The following PLA2G2A variants were observed in gnomAD, a reference collection of about 807,000 sequenced individuals.
PLA2G2A encodes phospholipase A2 group IIA, also known as phospholipase A2, membrane associated.
In PLA2G2A, 6 loss-of-function variants were observed where a neutral mutation model predicts 11.2. The observed-to-expected ratio is 0.54, with a 90% CI of 0.29 to 1.06. The LOEUF (loss-of-function observed/expected upper bound fraction) is 1.06. PLA2G2A is among the 50% of genes least tolerant of loss of function. The probability of loss-of-function intolerance (pLI) is 0.08; values close to 1 mark genes in which losing one functional copy is unlikely to be tolerated. For synonymous variants in PLA2G2A, 69 were observed against 65.8 expected, an observed-to-expected ratio of 1.05 and a Z score of -0.23; for missense variants, 133 against 177.1, an observed-to-expected ratio of 0.75 and a Z score of 1.41.
rs1162467488 is a variant in PLA2G2A at position 19,978,190 on chromosome 1, C to T, written c.186-69G>A. The T allele has an allele frequency of 2.9e-6, 4 of 1,362,964 alleles. No homozygotes were observed. In the African/African-American group the frequency reaches 5.7e-5, roughly 19 times the overall value. 84.4% of individuals were successfully genotyped at this position (1,362,964 alleles called of 1,614,324 possible). On this transcript the variant is annotated intron_variant, in intron 3 of 4. Coordinates refer to ENST00000482011, the Ensembl canonical transcript of PLA2G2A. ...GGAGGCCTGGTGCCTGTGGTCTCAC[C>T]CCCTTGGACCCTGGGCAGAGACCCA...
chr1:19,978,293 G>T (rs887790602), intron 3 of PLA2G2A, 87 bp downstream of exon 3: 16 of 1,504,708 alleles, frequency 1.1e-5, no homozygotes, highest in Non-Finnish European at 1.4e-5. Flanking sequence ...AGACCTCTGC[G>T]CCCATCAGGA....
chr1:19,979,898 G>T (rs141213403), upstream of PLA2G2A, among the ~76,000 whole-genome samples: 1 of 152,266 alleles, frequency 6.6e-6, no homozygotes, highest in South Asian at 2.1e-4. Flanking sequence ...TGTGATCAAC[G>T]GTCAGCCACC....
chr1:19,977,280 T>C (rs1471649807), intron 4 of PLA2G2A, among the ~76,000 whole-genome samples: 1 of 152,160 alleles, frequency 6.6e-6, no homozygotes, highest in Non-Finnish European at 1.5e-5. Context: ...TGCAGCCACA[T>C]ATCCATCCAA....
chr1:19,980,114 C>A (rs1188581141), upstream of PLA2G2A, among the ~76,000 whole-genome samples: 1 of 152,166 alleles, frequency 6.6e-6, no homozygotes, highest in African/African-American at 2.4e-5. Context: ...ATGTCCTGGG[C>A]CTCTACCATG....
intron 3 of PLA2G2A, 71 bp from the exon 4 acceptor site, chr1:19,978,192 C>A: frequency 1.5e-6 from 2 of 1,369,292 alleles, no homozygotes; most frequent in South Asian, 2.3e-5. Flanking sequence ...GGTCTCACCC[C>A]CTTGGACCCT....
At chr1:19,978,853 T>A in exon 2 of PLA2G2A, 1 of 1,338,108 alleles carries the variant, frequency 7.5e-7, no homozygotes, top group Non-Finnish European at 1.1e-6. Context: ...GCCCCGGCCG[T>A]CGCTCCCCTG....
intron 1 of PLA2G2A, 26 bp from the exon 2 acceptor site, chr1:19,978,905 A>G (rs2046263874): frequency 6.2e-6 from 5 of 812,944 alleles, no homozygotes; most frequent in East Asian, 2.5e-5. Flanking sequence ...ATGCTCTCCC[A>G]TCCAACCTAA....
intron 2 of PLA2G2A, 21 bp from the exon 3 acceptor site, chr1:19,978,545 T>A (rs1250325508): frequency 6.2e-7 from 1 of 1,613,134 alleles, no homozygotes; most frequent in South Asian, 1.1e-5. Context: ...ATTTGGGAGT[T>A]GTCTGGTGAT....
At chr1:19,977,180 C>A (rs2046232095) in intron 4 of PLA2G2A, among the ~76,000 whole-genome samples, 1 of 152,068 alleles carries the variant, frequency 6.6e-6, no homozygotes, top group Non-Finnish European at 1.5e-5. Flanking sequence ...GCTGGAGGCC[C>A]CTAAACTCAA....
chr1:19,978,973 GCACACACACA>G (rs3061293), intron 1 of PLA2G2A, 94 bp from the exon 2 acceptor site: 34 of 572,922 alleles, frequency 5.9e-5, no homozygotes, highest in Non-Finnish European at 7.6e-5. Context: ...CTCCAGCAAT[GCACACACACA>G]CACACACACA....
At chr1:19,978,624 T>G in intron 2 of PLA2G2A, 100 bp from the exon 3 acceptor site, 1 of 1,596,936 alleles carries the variant, frequency 6.3e-7, no homozygotes, top group African/African-American at 1.3e-5. Flanking sequence ...AAATGGCTTC[T>G]TTTTTCCCCC....
intron 1 of PLA2G2A, among the ~76,000 whole-genome samples, 178 bp downstream of exon 1, chr1:19,979,402 A>T (rs1159452228): frequency 6.6e-6 from 1 of 152,140 alleles, no homozygotes. Flanking sequence ...TACTTACCTG[A>T]TAGTGCCAAC....
chr1:19,978,694 G>T, intron 2 of PLA2G2A, 40 bp downstream of exon 2: 1 of 1,610,890 alleles, frequency 6.2e-7, no homozygotes. Flanking sequence ...TCCCTTCTGG[G>T]GCTGTCCCCC....
At chr1:19,979,093 AC>A in intron 1 of PLA2G2A, 1 of 434,190 alleles carries the variant, frequency 2.3e-6, no homozygotes. Context: ...CACTAATGAG[AC>A]CTCCCCTGTA....
exon 2 of PLA2G2A, chr1:19,978,864 C>T: frequency 8.2e-7 from 1 of 1,220,586 alleles, no homozygotes; most frequent in Non-Finnish European, 1.2e-6. Context: ...CGCTCCCCTG[C>T]TCCTCCTTGG....
intron 3 of PLA2G2A, 28 bp downstream of exon 3, chr1:19,978,352 G>A: frequency 1.2e-6 from 2 of 1,608,906 alleles, no homozygotes; most frequent in East Asian, 2.2e-5. Context: ...CAGAGTCTAG[G>A]AGGGTAGGGA....
rs1220309533 is a variant in PLA2G2A at position 19,978,070 on chromosome 1, A to C, written c.237T>G (p.Cys79Trp). 2.5e-6 allele frequency: 4 copies of C among 1,613,960 alleles called. No individual in the cohort carries two copies. The East Asian group carries it at 8.9e-5, about 36-fold the overall frequency. Reference sequence around the variant, plus strand: ...ACTTGTAGCTCAGAAATTTGGTGCCACATCCACGTTTCTCCAGACGTTTGT... The same window carrying C: ...ACTTGTAGCTCAGAAATTTGGTGCCCCATCCACGTTTCTCCAGACGTTTGT... The change falls in exon 4 of 5, where the codon TGT (cysteine) becomes TGG (tryptophan). Residue 79 changes from cysteine to tryptophan, a missense_variant. Physicochemically the swap from Cys to Trp is radical, Grantham distance 215. Transcript: ENST00000482011.
chr1:19,978,596 G>A, intron 2 of PLA2G2A, 72 bp from the exon 3 acceptor site: 1 of 1,602,828 alleles, frequency 6.2e-7, no homozygotes, highest in African/African-American at 1.3e-5. Flanking sequence ...GCCCCTCTCT[G>A]CTACTCTCCT....
chr1:19,976,034 T>C (rs950914206), intron 4 of PLA2G2A, among the ~76,000 whole-genome samples, 191 bp from the exon 5 acceptor site: 1 of 152,170 alleles, frequency 6.6e-6, no homozygotes, highest in Non-Finnish European at 1.5e-5. Context: ...GCCTCCAGCC[T>C]GGTGGAGACA....
Sources: gnomAD v4.1 joint callset for allele counts (sites outside exome capture counted in the v4.1 genomes callset) on GRCh38, gnomAD v4.1.1 for gene constraint, MANE v1.5 for transcripts, NCBI Gene and HGNC (gene_info 2026-07-23, HGNC 2026-07-21) for gene names.